Variants in ZMAT3 observed in about 807,000 individuals in gnomAD.
ZMAT3 encodes zinc finger matrin-type 3.
ZMAT3 carries 17 observed loss-of-function variants against 32.3 expected under a neutral mutation model. The observed-to-expected ratio is 0.53, with a 90% CI of 0.36 to 0.79. The LOEUF is 0.79. Among genes scored for constraint, ZMAT3 ranks in the 30% least tolerant of loss-of-function variants. The probability of loss-of-function intolerance (pLI) is 0.00; values close to 1 mark genes in which losing one functional copy is unlikely to be tolerated. For missense variants in ZMAT3, 329 were observed against 359.7 expected (o/e 0.91, Z 0.69); for synonymous variants, 120 against 133.1 (o/e 0.90, Z 0.68).
chr3:179,027,391 G>C, intron 5 of ZMAT3, 32 bp downstream of exon 5: 5 of 1,585,874 alleles, frequency 3.2e-6, no homozygotes, highest in Middle Eastern at 1.7e-4. Context: ...GGTACAGAAT[G>C]TACCCAAGGT....
In ZMAT3 at chr3:179,044,366, C is replaced by T. The variant is rs180847958; in HGVS notation, c.271-13367G>A. ...GACTGGATGAAGAAAATGTGGTGGC[C>T]GGGCACGGTGGCTCACGCCTGTAAT... On this transcript the variant is annotated intron_variant, in intron 2 of 5. Transcript: ENST00000311417. Among the ~76,000 whole-genome samples, 34 of 152,100 alleles carry T rather than the reference C, an allele frequency of 2.2e-4. 1 individual carries two copies. Among genetic ancestry groups the T allele is most frequent in the African/African-American group, 6.7e-4 (28 of 41,514 alleles).
rs1426840284 is a variant in ZMAT3 at position 179,024,921 on chromosome 3, G to A, written c.*96C>T. The stretch of plus-strand genomic sequence containing the variant: ...GTTACATGTATTAACATTAAGCAGA[G>A]GAATGTACTCATATCAAAAAGACCA... On this transcript the variant is annotated 3_prime_UTR_variant, in exon 6 of 6. Transcript: ENST00000311417. The A allele has an allele frequency of 3.4e-6, 4 of 1,191,992 alleles. No individual in the cohort carries two copies. Among genetic ancestry groups the A allele is most frequent in the Non-Finnish European group, 3.7e-6 (3 of 812,912 alleles). 73.8% of individuals were successfully genotyped at this position (1,191,992 alleles called of 1,614,324 possible).
chr3:179,049,095 T>C (rs1720402902), intron 2 of ZMAT3, among the ~76,000 whole-genome samples: 1 of 152,090 alleles, frequency 6.6e-6, no homozygotes, highest in Non-Finnish European at 1.5e-5. Flanking sequence ...AATACAATAA[T>C]AAAAGGACTA....
At chr3:179,058,184 T>G (rs1260769178) in intron 2 of ZMAT3, among the ~76,000 whole-genome samples, 1 of 152,188 alleles carries the variant, frequency 6.6e-6, no homozygotes, top group East Asian at 1.9e-4. Flanking sequence ...GATCTTACTG[T>G]GTGGACATGA....
intron 2 of ZMAT3, among the ~76,000 whole-genome samples, chr3:179,058,465 A>G (rs1396970660): frequency 6.6e-6 from 1 of 152,210 alleles, no homozygotes; most frequent in East Asian, 1.9e-4. Context: ...TTTGTAGAAA[A>G]AGGACTTCGG....
rs1480958016 is a variant in ZMAT3 at position 179,046,288 on chromosome 3, T to C, written c.271-15289A>G. Among the ~76,000 whole-genome samples, 2 of 152,012 alleles carry C rather than the reference T, an allele frequency of 1.3e-5. No homozygotes were observed. The highest frequency in any genetic ancestry group is 2.9e-5 in the Non-Finnish European group (2 of 67,996). On this transcript the variant is annotated intron_variant, in intron 2 of 5. Coordinates refer to ENST00000311417, the MANE Select transcript of ZMAT3 (RefSeq NM_022470.4). The surrounding 1 kb of genome is among the most constrained non-coding windows in gnomAD (Gnocchi z 4.3). ...CAGGTATTTTATTTCCAAAGCAGCATCCCCAGTAGTATTCAAGCAGATATT... is the reference window on the plus strand; with the variant it reads ...CAGGTATTTTATTTCCAAAGCAGCACCCCCAGTAGTATTCAAGCAGATATT...
At position 179,018,666 on chromosome 3, in the gene ZMAT3, A is replaced by G. The variant is rs1718392990; in HGVS notation, c.*6351T>C. 6.6e-6 allele frequency: 1 copy of G among 152,132 alleles called. No individual in the cohort carries two copies. The highest frequency in any genetic ancestry group is 1.5e-5 in the Non-Finnish European group (1 of 68,000). 9.4% of individuals were successfully genotyped at this position (152,132 alleles called of 1,614,324 possible). A position where few individuals can be genotyped will look rare whatever the true frequency, so the allele number is the denominator to read the frequency against. ...TTTATCTAAAGAATCTTATCCACAA[A>G]AAGTGGGCATAAAAATAAAGGCATA... On this transcript the variant is annotated 3_prime_UTR_variant, in exon 6 of 6. Coordinates refer to ENST00000311417, the MANE Select transcript of ZMAT3 (RefSeq NM_022470.4).
chr3:179,051,041 G>A (rs144896118), intron 2 of ZMAT3, among the ~76,000 whole-genome samples: 12 of 152,204 alleles, frequency 7.9e-5, no homozygotes, highest in Admixed American at 2.0e-4. Context: ...TACTGAATGC[G>A]GAAAAGTTGA....
intron 3 of ZMAT3, among the ~76,000 whole-genome samples, chr3:179,030,095 T>C (rs528707181): frequency 6.6e-6 from 1 of 152,348 alleles, no homozygotes; most frequent in Admixed American, 6.5e-5. Flanking sequence ...ATATCTTGCC[T>C]AAAGCACCTG....
In ZMAT3 at chr3:179,023,137, G is replaced by A. The variant is rs1354981653; in HGVS notation, c.*1880C>T. The A allele has an allele frequency of 6.7e-6, 1 of 150,210 alleles. No individual in the cohort carries two copies. Among genetic ancestry groups the A allele is most frequent in the Non-Finnish European group, 1.5e-5 (1 of 67,804 alleles). 9.3% of individuals were successfully genotyped at this position (150,210 alleles called of 1,614,324 possible). A position where few individuals can be genotyped will look rare whatever the true frequency, so the allele number is the denominator to read the frequency against. On this transcript the variant is annotated 3_prime_UTR_variant, in exon 6 of 6. Coordinates refer to ENST00000311417, the MANE Select transcript of ZMAT3 (RefSeq NM_022470.4). ...TGAATATTCACAGAGCACTCCATTA[G>A]TTAATCTAGATATATATTATAGCTT...
At chr3:179,047,745 G>A (rs1002353367) in intron 2 of ZMAT3, among the ~76,000 whole-genome samples, 1 of 151,576 alleles carries the variant, frequency 6.6e-6, no homozygotes, top group East Asian at 1.9e-4. Flanking sequence ...TATAGTCTCA[G>A]CTACTCAGGA....
intron 2 of ZMAT3, among the ~76,000 whole-genome samples, chr3:179,034,430 T>C (rs1424056566): frequency 6.6e-6 from 1 of 152,186 alleles, no homozygotes; most frequent in East Asian, 1.9e-4. Flanking sequence ...CTATACTCCT[T>C]CTTCCCTCCC....
chr3:179,070,917 G>A (rs1348885521), intron 1 of ZMAT3, among the ~76,000 whole-genome samples: 2 of 152,150 alleles, frequency 1.3e-5, no homozygotes, highest in Non-Finnish European at 2.9e-5. Context: ...GTCTCATTTG[G>A]AGAAATCTAC....
intron 2 of ZMAT3, among the ~76,000 whole-genome samples, chr3:179,040,106 T>C (rs1190365965): frequency 2.0e-5 from 3 of 152,302 alleles, no homozygotes; most frequent in Admixed American, 6.5e-5. Flanking sequence ...CTACGTTTGA[T>C]TGGTGTACCT....
chr3:179,043,824 T>A (rs1285750412), intron 2 of ZMAT3, among the ~76,000 whole-genome samples: 1 of 152,100 alleles, frequency 6.6e-6, no homozygotes, highest in Non-Finnish European at 1.5e-5. Context: ...GATCTCCCCA[T>A]CTGACAAAGG....
Position 179,024,743 on chromosome 3 carries a change from T to C in ZMAT3, c.*274A>G. ...GAACTTGAGCAAGATAAAAAGTTAT[T>C]TCTGATGGGGTAGGTAGGTCACATG... On this transcript the variant is annotated 3_prime_UTR_variant, in exon 6 of 6. Transcript: ENST00000311417. The C allele has an allele frequency of 2.8e-6, 1 of 352,068 alleles. No homozygotes were observed. The highest frequency in any genetic ancestry group is 5.2e-5 in the South Asian group (1 of 19,262). The allele number at this position is 352,068 out of a possible 1,614,324, so 21.8% of individuals were successfully genotyped here.
intron 2 of ZMAT3, among the ~76,000 whole-genome samples, chr3:179,048,615 G>T (rs1720374612): frequency 6.6e-6 from 1 of 152,148 alleles, no homozygotes; most frequent in African/African-American, 2.4e-5. Context: ...AAACTTCTGA[G>T]AGAATTTGCC....
At chr3:179,058,179 T>C (rs1054606816) in intron 2 of ZMAT3, among the ~76,000 whole-genome samples, 4 of 152,300 alleles carry the variant, frequency 2.6e-5, no homozygotes, top group Non-Finnish European at 2.9e-5. Context: ...GAAGAGATCT[T>C]ACTGTGTGGA....
Position 179,017,712 on chromosome 3 carries a change from C to T in ZMAT3, c.*7305G>A, listed in dbSNP as rs1006337022. 1.3e-5 allele frequency: 2 copies of T among 152,188 alleles called. No homozygotes were observed. The highest frequency in any genetic ancestry group is 4.8e-5 in the African/African-American group (2 of 41,442). 9.4% of individuals were successfully genotyped at this position (152,188 alleles called of 1,614,324 possible). A position where few individuals can be genotyped will look rare whatever the true frequency, so the allele number is the denominator to read the frequency against. On this transcript the variant is annotated 3_prime_UTR_variant, in exon 6 of 6. Coordinates refer to ENST00000311417, the MANE Select transcript of ZMAT3 (RefSeq NM_022470.4). Reference sequence around the variant, plus strand: ...GCCATTCAATAAAGGGTTCTAAAGCCTCCCTTGGTTTTACATTTTATTCTC... The same window carrying T: ...GCCATTCAATAAAGGGTTCTAAAGCTTCCCTTGGTTTTACATTTTATTCTC...
Sources: allele counts gnomAD v4.1 joint callset (sites outside exome capture counted in the v4.1 genomes callset), GRCh38; gene constraint gnomAD v4.1.1; non-coding constraint Gnocchi (gnomAD v3.1); transcripts MANE v1.5; gene names NCBI Gene and HGNC (gene_info 2026-07-23, HGNC 2026-07-21).